Variants in PTPRD observed in about 807,000 individuals in gnomAD.
PTPRD encodes receptor-type tyrosine-protein phosphatase delta.
A neutral mutation model predicts 214.5 loss-of-function variants in PTPRD; 34 were observed. The observed-to-expected ratio is 0.16, with a 90% confidence interval of 0.12 to 0.21. The LOEUF is 0.21. PTPRD is among the 10% of genes least tolerant of loss of function. The pLI, the probability that PTPRD is intolerant of heterozygous loss-of-function variation, is 1.00. For synonymous variants in PTPRD, 1,128 were observed against 845.7 expected (o/e 1.33, Z -5.79); for missense variants, 2,545 against 2,398.7 (o/e 1.06, Z -1.27).
intron 8 of PTPRD, among the ~76,000 whole-genome samples, chr9:9,537,211 G>T (rs10491610): frequency 0.13 from 19,616 of 151,724 alleles, 1,759 homozygotes; most frequent in Middle Eastern, 0.2. Flanking sequence ...TCCTACCAAG[G>T]TGTATGATAT....
intron 2 of PTPRD, among the ~76,000 whole-genome samples, chr9:10,349,331 T>C (rs1246663794): frequency 2.6e-5 from 4 of 152,040 alleles, no homozygotes; most frequent in Non-Finnish European, 4.4e-5. Flanking sequence ...TTTTCCTTGA[T>C]TGACATATGC....
intron 8 of PTPRD, among the ~76,000 whole-genome samples, chr9:9,434,668 A>C (rs115833482): frequency 0.018 from 2,718 of 152,086 alleles, 82 homozygotes; most frequent in African/African-American, 0.062. Context: ...ACTGGCATAA[A>C]AATAGACAGA....
chr9:10,200,477 C>T (rs1236304876), intron 3 of PTPRD, among the ~76,000 whole-genome samples: 1 of 152,034 alleles, frequency 6.6e-6, no homozygotes, highest in Non-Finnish European at 1.5e-5. Flanking sequence ...AAAGAATTAT[C>T]TAGGCCAAAA....
At chr9:8,896,261 A>G (rs780030915) in intron 11 of PTPRD, among the ~76,000 whole-genome samples, 2 of 152,212 alleles carry the variant, frequency 1.3e-5, no homozygotes, top group Non-Finnish European at 2.9e-5. Flanking sequence ...TGTTAATTGA[A>G]CTACTTTCTC....
chr9:9,294,895 C>A (rs1684140823), intron 9 of PTPRD, among the ~76,000 whole-genome samples: 1 of 151,660 alleles, frequency 6.6e-6, no homozygotes, highest in African/African-American at 2.4e-5. Context: ...GGTCATGAAT[C>A]TGAATACTCA....
chr9:10,548,634 T>G (rs1050842817), intron 2 of PTPRD, among the ~76,000 whole-genome samples: 4 of 152,148 alleles, frequency 2.6e-5, no homozygotes, highest in Non-Finnish European at 5.9e-5. Context: ...GAATAACTTG[T>G]GCAAATTCTA....
At chr9:8,323,671 A>T (rs1215065588) in intron 44 of PTPRD, among the ~76,000 whole-genome samples, 1 of 152,196 alleles carries the variant, frequency 6.6e-6, no homozygotes, top group Admixed American at 6.5e-5. Context: ...CAATCTCATG[A>T]TAAAACCTGA....
rs1191664969 is a variant in PTPRD at position 9,564,884 on chromosome 9, G to GTTTTTTTTTTTTTTTT, written c.-237+9832_-237+9847dup. Among the ~76,000 whole-genome samples the GTTTTTTTTTTTTTTTT allele has an allele frequency of 3.5e-4, 17 of 48,856 alleles. 1 individual carries two copies. The highest frequency in any genetic ancestry group is 1.1e-3 in the South Asian group (1 of 892). 32.1% of individuals were successfully genotyped at this position (48,856 alleles called of 152,430 possible). On this transcript the variant is annotated intron_variant, in intron 8 of 45. Coordinates refer to ENST00000381196, the MANE Select transcript of PTPRD (RefSeq NM_002839.4). ...AACAAAAGAGAGACTTGAATCTTCTGTTTTTTTTTTTTTTTTTTTTTTTTT... is the reference window on the plus strand; with the variant it reads ...AACAAAAGAGAGACTTGAATCTTCTGTTTTTTTTTTTTTTTTTTTTTTTTTTTTTTTTTTTTTTTTT...
chr9:10,208,382 C>T lies in PTPRD; in HGVS notation c.-545+132581G>A, dbSNP rs571441467. ...ACAAAAAATTAGCCGGGCGTGGTGGCGGGCGCCTGTAGTCCCAGCTACTCG... is the reference window on the plus strand; with the variant it reads ...ACAAAAAATTAGCCGGGCGTGGTGGTGGGCGCCTGTAGTCCCAGCTACTCG... On this transcript the variant is annotated intron_variant, in intron 3 of 45. Coordinates refer to ENST00000381196, the MANE Select transcript of PTPRD (RefSeq NM_002839.4). Among the ~76,000 whole-genome samples the T allele has an allele frequency of 1.4e-4, 22 of 152,176 alleles. No homozygotes were observed. In the South Asian group the frequency reaches 2.1e-3, roughly 14 times the overall value.
chr9:8,640,006 C>G (rs1035629179), intron 12 of PTPRD, among the ~76,000 whole-genome samples: 1 of 152,160 alleles, frequency 6.6e-6, no homozygotes, highest in Non-Finnish European at 1.5e-5. Flanking sequence ...TCAAAGCTAA[C>G]TGCAGCCTCA....
intron 9 of PTPRD, among the ~76,000 whole-genome samples, chr9:9,344,293 CAG>C (rs2137563180): frequency 6.6e-6 from 1 of 151,710 alleles, no homozygotes; most frequent in Admixed American, 6.6e-5. Context: ...CACATGGACA[CAG>C]GGAGGGGGCA....
chr9:10,575,382 G>A (rs1365113020), intron 2 of PTPRD, among the ~76,000 whole-genome samples: 1 of 152,020 alleles, frequency 6.6e-6, no homozygotes, highest in African/African-American at 2.4e-5. Flanking sequence ...AGGAAAAAAT[G>A]ATGTGTTCTA....
At chr9:8,730,644 G>A (rs1157675894) in intron 12 of PTPRD, among the ~76,000 whole-genome samples, 5 of 152,132 alleles carry the variant, frequency 3.3e-5, no homozygotes, top group African/African-American at 4.8e-5. Context: ...AATAGCAAAC[G>A]AAATTTATGT....
intron 9 of PTPRD, among the ~76,000 whole-genome samples, chr9:9,285,533 G>C (rs1424021895): frequency 1.3e-5 from 2 of 151,714 alleles, no homozygotes; most frequent in Non-Finnish European, 2.9e-5. Flanking sequence ...CCCTTGGTAA[G>C]GCATTAGCAA....
chr9:9,341,796 T>C (rs1002564089), intron 9 of PTPRD, among the ~76,000 whole-genome samples: 2 of 151,988 alleles, frequency 1.3e-5, no homozygotes, highest in African/African-American at 4.8e-5. Context: ...TTCAAGATTT[T>C]ATTTATTATT....
At chr9:8,460,071 C>A (rs1440669494) in intron 33 of PTPRD, among the ~76,000 whole-genome samples, 1 of 152,080 alleles carries the variant, frequency 6.6e-6, no homozygotes, top group Non-Finnish European at 1.5e-5. Context: ...TTATCTAAAA[C>A]AATCAAATGA....
rs1043707486 is a variant in PTPRD at position 8,496,543 on chromosome 9, T to G, written c.2349+699A>C. Among the ~76,000 whole-genome samples the G allele has an allele frequency of 2.0e-5, 3 of 152,316 alleles. No individual in the cohort carries two copies. The East Asian group carries it at 5.8e-4, about 29-fold the overall frequency. On this transcript the variant is annotated intron_variant, in intron 26 of 45. Coordinates refer to ENST00000381196, the MANE Select transcript of PTPRD (RefSeq NM_002839.4). ...ACATAGAGTTTTCATTCAAATATTT[T>G]AAAAACATTCCTCCCTCAGCGACAT...
At chr9:9,311,952 GATCCATTATAA>G (rs1202870994) in intron 9 of PTPRD, among the ~76,000 whole-genome samples, 1 of 152,128 alleles carries the variant, frequency 6.6e-6, no homozygotes, top group Non-Finnish European at 1.5e-5. Flanking sequence ...TAGGTTTTAA[GATCCATTATAA>G]ATTATGCTAA....
chr9:10,488,496 A>C (rs2099147898), intron 2 of PTPRD, among the ~76,000 whole-genome samples: 1 of 152,144 alleles, frequency 6.6e-6, no homozygotes, highest in South Asian at 2.1e-4. Context: ...GGGACTCTAC[A>C]ATCAGCAGGT....
Sources: gnomAD v4.1 joint callset for allele counts (sites outside exome capture counted in the v4.1 genomes callset) on GRCh38, gnomAD v4.1.1 for gene constraint, MANE v1.5 for transcripts, NCBI Gene and HGNC (gene_info 2026-07-23, HGNC 2026-07-21) for gene names.